The following FOXO3 variants were observed in gnomAD, a reference collection of about 807,000 sequenced individuals.
FOXO3 encodes forkhead box O3, also known as forkhead box protein O3.
In FOXO3, 4 loss-of-function variants were observed where a neutral mutation model predicts 41.9. The observed-to-expected ratio is 0.10, with a 90% CI of 0.05 to 0.22. The LOEUF is 0.22. Ranked by LOEUF, FOXO3 falls within the 10% of genes least tolerant of loss-of-function variation. FOXO3 has a pLI of 1.00. For missense variants in FOXO3, 534 were observed against 906.8 expected (o/e 0.59, Z 5.28); for synonymous variants, 318 against 389.3 (o/e 0.82, Z 2.16).
chr6:108,636,022 C>T (rs1453347435), intron 1 of FOXO3, among the ~76,000 whole-genome samples: 1 of 152,222 alleles, frequency 6.6e-6, no homozygotes, highest in Non-Finnish European at 1.5e-5. Context: ...CCGCACAAAG[C>T]GGGATTAAGC....
At chr6:108,663,222 A>G (rs555288100) in intron 1 of FOXO3, among the ~76,000 whole-genome samples, 1 of 152,336 alleles carries the variant, frequency 6.6e-6, no homozygotes, top group South Asian at 2.1e-4. Context: ...AAATACAACA[A>G]TTAACTGGGC....
At position 108,682,836 on chromosome 6, in the gene FOXO3, C is replaced by A. The variant is rs1489917784; in HGVS notation, c.*3044C>A. 1 of 152,554 alleles carries A rather than the reference C, an allele frequency of 6.6e-6. No homozygotes were observed. Among genetic ancestry groups the A allele is most frequent in the East Asian group, 1.9e-4 (1 of 5,198 alleles). The allele number at this position is 152,554 out of a possible 1,614,324, so 9.5% of individuals were successfully genotyped here. On this transcript the variant is annotated 3_prime_UTR_variant, in exon 3 of 3. Coordinates refer to ENST00000406360, the MANE Select transcript of FOXO3 (RefSeq NM_001455.4). Reference sequence around the variant, plus strand: ...AGAACTATCCGAGGCCACCCTTGGCCTCTAAATAAGCTGCTCTAGGGAGCC... The same window carrying A: ...AGAACTATCCGAGGCCACCCTTGGCATCTAAATAAGCTGCTCTAGGGAGCC...
intron 2 of FOXO3, among the ~76,000 whole-genome samples, chr6:108,676,014 A>C (rs1770573915): frequency 6.6e-6 from 1 of 152,202 alleles, no homozygotes; most frequent in African/African-American, 2.4e-5. Flanking sequence ...AATTAGGCAG[A>C]AACTTGTCTT....
rs79189627 is a variant in FOXO3 at position 108,647,290 on chromosome 6, A to G, written c.622-16165A>G. ...TGATTACTTGCAAGTTGTTGCTAAT[A>G]GTTCCTTATTTCTGCAGGCCTTGCC... On this transcript the variant is annotated intron_variant, in intron 1 of 2. Transcript: ENST00000406360. Among the ~76,000 whole-genome samples, 626 of 152,316 alleles carry G rather than the reference A, an allele frequency of 4.1e-3. 3 individuals are homozygous for G. The highest frequency in any genetic ancestry group is 6.7e-3 in the Admixed American group (103 of 15,300).
At chr6:108,644,257 T>C (rs1778336311) in intron 1 of FOXO3, among the ~76,000 whole-genome samples, 1 of 152,248 alleles carries the variant, frequency 6.6e-6, no homozygotes, top group Non-Finnish European at 1.5e-5. Context: ...GGGGACCATA[T>C]TGTCCTCATT....
chr6:108,670,898 T>C (rs549367543), intron 2 of FOXO3, among the ~76,000 whole-genome samples: 1 of 152,338 alleles, frequency 6.6e-6, no homozygotes, highest in Non-Finnish European at 1.5e-5. Flanking sequence ...TTGGTAGAAG[T>C]GCTCAAGAAA....
chr6:108,658,849 C>CT (rs1213715552), intron 1 of FOXO3, among the ~76,000 whole-genome samples: 12 of 151,316 alleles, frequency 7.9e-5, no homozygotes, highest in Admixed American at 5.3e-4. Flanking sequence ...TTCTGAAAGA[C>CT]TTTTTTTTGT....
At chr6:108,653,266 A>G (rs913686384) in intron 1 of FOXO3, among the ~76,000 whole-genome samples, 3 of 152,152 alleles carry the variant, frequency 2.0e-5, no homozygotes, top group East Asian at 1.9e-4. Context: ...CATTAATTCA[A>G]TGGTTAAACA....
intron 1 of FOXO3, among the ~76,000 whole-genome samples, chr6:108,631,911 C>G (rs758518775): frequency 2.6e-5 from 4 of 152,210 alleles, no homozygotes; most frequent in Non-Finnish European, 4.4e-5. Context: ...ACCCCTCCCC[C>G]CTTTTTCCAT....
chr6:108,565,279 A>T (rs551685211), intron 1 of FOXO3, among the ~76,000 whole-genome samples: 2 of 152,368 alleles, frequency 1.3e-5, no homozygotes, highest in African/African-American at 4.8e-5. Context: ...TACATTTGTC[A>T]GATACTGTGT....
intron 1 of FOXO3, among the ~76,000 whole-genome samples, chr6:108,596,744 A>G (rs1191237041): frequency 6.6e-6 from 1 of 152,200 alleles, no homozygotes; most frequent in Non-Finnish European, 1.5e-5. Flanking sequence ...GGATCTGGAA[A>G]ATACTTAATA....
chr6:108,668,499 G>T (rs1046630037), intron 2 of FOXO3, among the ~76,000 whole-genome samples: 1 of 152,116 alleles, frequency 6.6e-6, no homozygotes, highest in Non-Finnish European at 1.5e-5. Context: ...TCGAGCTTCC[G>T]GTAAGCCTTC....
At chr6:108,559,840 G>A (rs1361305159), upstream of FOXO3, 1 of 152,498 alleles carries the variant, frequency 6.6e-6, no homozygotes, top group African/African-American at 2.4e-5. Context: ...TGGAAGGGAG[G>A]AGGAGGAATG....
intron 1 of FOXO3, chr6:108,618,297 G>A (rs989564436): frequency 2.8e-6 from 2 of 703,930 alleles, no homozygotes; most frequent in Non-Finnish European, 5.3e-6. Flanking sequence ...ATGAGCACCG[G>A]TTTCTCCTCA....
At chr6:108,645,438 G>C (rs1472739041) in intron 1 of FOXO3, among the ~76,000 whole-genome samples, 1 of 147,508 alleles carries the variant, frequency 6.8e-6, no homozygotes, top group African/African-American at 2.5e-5. Flanking sequence ...CATTTTTTTT[G>C]TCTTGAATCC....
chr6:108,564,006 T>C (rs1775885458), intron 1 of FOXO3, among the ~76,000 whole-genome samples: 1 of 151,982 alleles, frequency 6.6e-6, no homozygotes, highest in East Asian at 1.9e-4. Flanking sequence ...TCAACTAAAA[T>C]CTTAGAAAAT....
At chr6:108,592,044 C>A (rs945289412) in intron 1 of FOXO3, among the ~76,000 whole-genome samples, 1 of 152,090 alleles carries the variant, frequency 6.6e-6, no homozygotes, top group Non-Finnish European at 1.5e-5. Flanking sequence ...TTGTTTGATT[C>A]CATTTCTGTG....
chr6:108,601,906 G>A (rs576888362), intron 1 of FOXO3, among the ~76,000 whole-genome samples: 1 of 152,146 alleles, frequency 6.6e-6, no homozygotes, highest in Non-Finnish European at 1.5e-5. Flanking sequence ...GGACATTTGG[G>A]TTGTTTTCAG....
chr6:108,649,380 C>CA (rs1778485787), intron 1 of FOXO3, among the ~76,000 whole-genome samples: 1 of 152,130 alleles, frequency 6.6e-6, no homozygotes, highest in South Asian at 2.1e-4. Context: ...TAGTCTAGAA[C>CA]AAAGACCCGT....
Sources: allele counts gnomAD v4.1 joint callset (sites outside exome capture counted in the v4.1 genomes callset), GRCh38; gene constraint gnomAD v4.1.1; transcripts MANE v1.5; gene names NCBI Gene and HGNC (gene_info 2026-07-23, HGNC 2026-07-21).